PIGL: variants seen among roughly 807,000 people sequenced by gnomAD.
PIGL encodes the protein N-acetylglucosaminyl-phosphatidylinositol de-N-acetylase.
Under a neutral mutation model 31.1 loss-of-function variants are expected in PIGL, and 22 were observed. The observed-to-expected ratio is 0.71, with a 90% confidence interval of 0.51 to 1.01. The LOEUF (loss-of-function observed/expected upper bound fraction) is 1.01, where lower values mean the gene tolerates loss of function less well. Ranked by LOEUF, PIGL falls within the 50% of genes least tolerant of loss-of-function variation. PIGL has a pLI of 0.00. For missense variants in PIGL, 302 were observed against 315.9 expected (o/e 0.96, Z 0.33); for synonymous variants, 131 against 117.4 (o/e 1.12, Z -0.75).
intron 2 of PIGL, among the ~76,000 whole-genome samples, chr17:16,277,855 A>T (rs573171620): frequency 6.3e-4 from 96 of 152,324 alleles, no homozygotes; most frequent in African/African-American, 2.1e-3. Context: ...AATTATAATG[A>T]TTAACAACAT....
chr17:16,275,295 A>G (rs2142779618), intron 2 of PIGL, among the ~76,000 whole-genome samples: 1 of 152,302 alleles, frequency 6.6e-6, no homozygotes, highest in East Asian at 1.9e-4. Context: ...AGTGTCTTTT[A>G]GCATGCTGAT....
intron 2 of PIGL, among the ~76,000 whole-genome samples, chr17:16,289,786 T>C (rs2092952596): frequency 6.6e-6 from 1 of 152,204 alleles, no homozygotes; most frequent in Admixed American, 6.5e-5. Context: ...TTTTCTTTTC[T>C]TTTTTTAAAG....
At chr17:16,234,918 T>TA (rs910451024) in intron 2 of PIGL, among the ~76,000 whole-genome samples, 35 of 152,210 alleles carry the variant, frequency 2.3e-4, no homozygotes. Flanking sequence ...TTCAAAAACA[T>TA]ACAAAAGTAT....
chr17:16,293,450 GC>G (rs1395344583), intron 2 of PIGL, among the ~76,000 whole-genome samples: 2 of 152,192 alleles, frequency 1.3e-5, no homozygotes, highest in African/African-American at 2.4e-5. Context: ...ATGGCGTGAA[GC>G]CAGGAGGCGG....
chr17:16,241,959 A>AT (rs2092724972), intron 2 of PIGL, among the ~76,000 whole-genome samples: 2 of 152,052 alleles, frequency 1.3e-5, no homozygotes, highest in Admixed American at 1.3e-4. Flanking sequence ...AGCACTTACA[A>AT]TTTTTTTAGC....
intron 2 of PIGL, among the ~76,000 whole-genome samples, chr17:16,278,032 G>A (rs910393224): frequency 2.6e-5 from 4 of 151,488 alleles, no homozygotes; most frequent in African/African-American, 9.7e-5. Flanking sequence ...CATTGAATTA[G>A]TGCATTATTG....
At chr17:16,308,114 C>T (rs1365296068) in intron 3 of PIGL, among the ~76,000 whole-genome samples, 3 of 151,894 alleles carry the variant, frequency 2.0e-5, no homozygotes, top group African/African-American at 7.3e-5. Flanking sequence ...GCAGGTGCAT[C>T]ACGAGGTCAG....
intron 2 of PIGL, among the ~76,000 whole-genome samples, chr17:16,290,440 T>C (rs866829903): frequency 1.1e-4 from 17 of 151,566 alleles, no homozygotes; most frequent in Middle Eastern, 3.4e-3. Flanking sequence ...CTGCCCAGGC[T>C]GCAGGTGCAG....
chr17:16,312,162 A>T lies in PIGL; in HGVS notation c.427-1385A>T, dbSNP rs2093054512. On this transcript the variant is annotated intron_variant, in intron 3 of 6. Coordinates refer to ENST00000225609, the MANE Select transcript of PIGL (RefSeq NM_004278.4). ...CCGCAGCCCCCCACCTCCCTCCCGG[A>T]CGGGGCGGCTGCTGGGCGGAGACGC... Among the ~76,000 whole-genome samples, 3 of 147,304 alleles carry T rather than the reference A, an allele frequency of 2.0e-5. No individual in the cohort carries two copies. In the South Asian group the frequency reaches 6.4e-4, roughly 32 times the overall value.
At chr17:16,240,727 C>T (rs1276857563) in intron 2 of PIGL, among the ~76,000 whole-genome samples, 2 of 151,908 alleles carry the variant, frequency 1.3e-5, no homozygotes, top group Non-Finnish European at 2.9e-5. Context: ...TCTTGAACTC[C>T]TGGACTCAAG....
At chr17:16,261,484 C>G (rs1421753749) in intron 2 of PIGL, among the ~76,000 whole-genome samples, 2 of 152,120 alleles carry the variant, frequency 1.3e-5, no homozygotes, top group Non-Finnish European at 2.9e-5. Flanking sequence ...AAAAGACAAT[C>G]TAAAGAATGG....
intron 3 of PIGL, among the ~76,000 whole-genome samples, chr17:16,307,617 G>A (rs1165862498): frequency 1.3e-5 from 2 of 152,190 alleles, no homozygotes; most frequent in African/African-American, 4.8e-5. Flanking sequence ...GCCTGGTACA[G>A]AGTAAGTGCT....
rs201649176 is a variant in PIGL at position 16,320,554 on chromosome 17, A to AAAGG, written c.660+2661_660+2664dup. Reference sequence around the variant, plus strand: ...AAGAAGAAGGAAGGAAGGAAGGAAGAAAGGAAGGAAGGAAGGAAAATCTAA... The same window carrying AAAGG: ...AAGAAGAAGGAAGGAAGGAAGGAAGAAAGGAAGGAAGGAAGGAAGGAAAATCTAA... On this transcript the variant is annotated intron_variant, in intron 6 of 6. Transcript: ENST00000225609. 6.4e-3 allele frequency among the ~76,000 whole-genome samples: 939 copies of AAAGG among 146,436 alleles called. 9 individuals carry two copies. The highest frequency in any genetic ancestry group is 0.022 in the African/African-American group (875 of 39,476).
intron 2 of PIGL, among the ~76,000 whole-genome samples, chr17:16,291,188 C>A (rs989627651): frequency 6.6e-6 from 1 of 152,064 alleles, no homozygotes; most frequent in African/African-American, 2.4e-5. Context: ...CTCTTTTAAC[C>A]AGTTCTTTCC....
At chr17:16,266,313 TGA>T (rs2092842468) in intron 2 of PIGL, among the ~76,000 whole-genome samples, 1 of 140,196 alleles carries the variant, frequency 7.1e-6, no homozygotes, top group African/African-American at 2.7e-5. Flanking sequence ...CGCTTGAACC[TGA>T]GAGAGGGAGC....
chr17:16,290,788 C>A (rs138795229), intron 2 of PIGL, among the ~76,000 whole-genome samples: 76 of 152,178 alleles, frequency 5.0e-4, no homozygotes, highest in Admixed American at 1.1e-3. Flanking sequence ...TCTGGCAATC[C>A]TCCTGCCTCA....
At chr17:16,247,805 T>C (rs779332036) in intron 2 of PIGL, among the ~76,000 whole-genome samples, 1 of 152,228 alleles carries the variant, frequency 6.6e-6, no homozygotes, top group Non-Finnish European at 1.5e-5. Flanking sequence ...GTTGATTACA[T>C]GTGTGGTTCA....
chr17:16,229,735 CTA>C (rs2092670145), intron 1 of PIGL, among the ~76,000 whole-genome samples: 1 of 151,882 alleles, frequency 6.6e-6, no homozygotes, highest in Non-Finnish European at 1.5e-5. Flanking sequence ...TCCCTGATGA[CTA>C]AGGATGATGA....
At chr17:16,265,143 G>GT (rs2092837060) in intron 2 of PIGL, among the ~76,000 whole-genome samples, 1 of 152,136 alleles carries the variant, frequency 6.6e-6, no homozygotes, top group Non-Finnish European at 1.5e-5. Context: ...TCATTGTGAG[G>GT]TAACAGAAAG....
Sources: gnomAD v4.1 joint callset for allele counts (sites outside exome capture counted in the v4.1 genomes callset) on GRCh38, gnomAD v4.1.1 for gene constraint, MANE v1.5 for transcripts, NCBI Gene and HGNC (gene_info 2026-07-23, HGNC 2026-07-21) for gene names.